ADGRA3: variants seen among roughly 807,000 people sequenced by gnomAD.
The protein encoded by ADGRA3 is adhesion G protein-coupled receptor A3, also known as G-protein coupled receptor 125.
In ADGRA3, 56 loss-of-function variants were observed where a neutral mutation model predicts 119.8. That is an observed-to-expected ratio of 0.47 (90% confidence interval 0.38 to 0.58). ADGRA3 has a LOEUF of 0.58. Among genes scored for constraint, ADGRA3 ranks in the 20% least tolerant of loss-of-function variants. ADGRA3 has a pLI of 0.00. For synonymous variants in ADGRA3, 607 were observed against 623.8 expected (o/e 0.97, Z 0.40); for missense variants, 1,516 against 1,649.0 (o/e 0.92, Z 1.40).
chr4:22,466,210 T>C (rs918589595), intron 2 of ADGRA3, among the ~76,000 whole-genome samples: 13 of 152,182 alleles, frequency 8.5e-5, no homozygotes, highest in African/African-American at 3.1e-4. Context: ...ACTTCCCATC[T>C]GCTCAACACC....
chr4:22,470,842 T>G (rs915204227), intron 2 of ADGRA3, among the ~76,000 whole-genome samples: 20 of 152,172 alleles, frequency 1.3e-4, no homozygotes, highest in African/African-American at 4.3e-4. Context: ...GCTGAAGACG[T>G]TACCACTGAG....
intron 1 of ADGRA3, among the ~76,000 whole-genome samples, chr4:22,511,883 TTTTC>T (rs1200090131): frequency 8.9e-5 from 11 of 123,746 alleles, no homozygotes; most frequent in Non-Finnish European, 1.7e-4. Context: ...ACAGTTATAT[TTTTC>T]TTTCTTTCTT....
intron 1 of ADGRA3, among the ~76,000 whole-genome samples, chr4:22,485,133 G>A (rs540241439): frequency 3.9e-5 from 6 of 152,120 alleles, no homozygotes; most frequent in South Asian, 4.2e-4. Flanking sequence ...CCACGCCGGC[G>A]TGAAGTGGTG....
At chr4:22,512,072 T>C (rs1283476417) in intron 1 of ADGRA3, among the ~76,000 whole-genome samples, 1 of 143,258 alleles carries the variant, frequency 7.0e-6, no homozygotes, top group Non-Finnish European at 1.5e-5. Context: ...AGCTAATATC[T>C]GTATTTTTAG....
chr4:22,466,881 GTGTGTGGATGGATA>G (rs1455931363), intron 2 of ADGRA3, among the ~76,000 whole-genome samples: 1 of 152,194 alleles, frequency 6.6e-6, no homozygotes, highest in Non-Finnish European at 1.5e-5. Flanking sequence ...ACAATATAGA[GTGTGTGGATGGATA>G]TGTTCATGGA....
At chr4:22,406,799 G>A (rs1223646142) in intron 14 of ADGRA3, among the ~76,000 whole-genome samples, 1 of 152,086 alleles carries the variant, frequency 6.6e-6, no homozygotes, top group Non-Finnish European at 1.5e-5. Context: ...AGTAAACATT[G>A]TAGACTTTGG....
Position 22,445,148 on chromosome 4 carries a change from T to C in ADGRA3, c.546-15A>G. On this transcript the variant is annotated splice_polypyrimidine_tract_variant and intron_variant, in intron 5 of 18. Coordinates refer to ENST00000334304, the MANE Select transcript of ADGRA3 (RefSeq NM_145290.4). ...TCTGGAATTCCCTGTAACATGCAAA[T>C]ACAACTTAGAGATTATAGTGAATAA... The C allele has an allele frequency of 6.2e-7, 1 of 1,611,484 alleles. No homozygotes were observed. The highest frequency in any genetic ancestry group is 8.5e-7 in the Non-Finnish European group (1 of 1,177,768).
chr4:22,402,547 T>C, intron 15 of ADGRA3, 128 bp downstream of exon 15: 2 of 886,690 alleles, frequency 2.3e-6, no homozygotes, highest in Non-Finnish European at 3.5e-6. Context: ...ATGTATATAT[T>C]CTAAAGTCAT....
chr4:22,402,117 T>C (rs1714688821), intron 15 of ADGRA3, among the ~76,000 whole-genome samples: 1 of 152,168 alleles, frequency 6.6e-6, no homozygotes, highest in Non-Finnish European at 1.5e-5. Context: ...AGCAAAACGT[T>C]TTGTAAAGCG....
rs1170411373 is a variant in ADGRA3 at position 22,413,220 on chromosome 4, T to C, written c.2194A>G (p.Ile732Val). ...ILYSDENITTIQCYSLSNYAV... is the reference protein window; with the variant it reads ...ILYSDENITTVQCYSLSNYAV... ...TAGTTACTAAGGGAGTAGCACTGAA[T>C]CGTAGTGATATTTTCATCTGAATAG... is the stretch of plus-strand genomic sequence containing the variant. The change falls in exon 14 of 19, where the codon ATT becomes GTT. Residue 732 changes from isoleucine to valine, a missense_variant. Coordinates refer to ENST00000334304, the MANE Select transcript of ADGRA3 (RefSeq NM_145290.4). 1 of 1,613,982 alleles carries C rather than the reference T, an allele frequency of 6.2e-7. No homozygotes were observed. The highest frequency in any genetic ancestry group is 1.1e-5 in the South Asian group (1 of 91,082).
chr4:22,494,026 A>G (rs1470062942), intron 1 of ADGRA3, among the ~76,000 whole-genome samples: 2 of 151,942 alleles, frequency 1.3e-5, no homozygotes, highest in African/African-American at 4.8e-5. Context: ...AACATGGTGA[A>G]ACCCCGTCTC....
chr4:22,450,948 AAAAATATAT>A (rs1402209132), intron 4 of ADGRA3, among the ~76,000 whole-genome samples: 1 of 127,828 alleles, frequency 7.8e-6, no homozygotes, highest in African/African-American at 2.8e-5. Context: ...AAAAAAAAAA[AAAAATATAT>A]ATATATATAT....
chr4:22,406,123 T>C (rs1714912266), intron 14 of ADGRA3, among the ~76,000 whole-genome samples: 1 of 152,192 alleles, frequency 6.6e-6, no homozygotes. Flanking sequence ...GGCTCATCCA[T>C]GTTGCTGCAA....
intron 12 of ADGRA3, chr4:22,420,276 C>T (rs1184798152): frequency 6.6e-6 from 1 of 152,198 alleles, no homozygotes; most frequent in African/African-American, 2.4e-5. Flanking sequence ...GTTGTGCCTC[C>T]TCTATTTGCT....
At chr4:22,432,643 A>G (rs1716233412) in intron 10 of ADGRA3, among the ~76,000 whole-genome samples, 1 of 152,204 alleles carries the variant, frequency 6.6e-6, no homozygotes, top group Admixed American at 6.5e-5. Flanking sequence ...TAAAATATGC[A>G]TATTGTTTTC....
At chr4:22,470,499 C>G (rs1717822193) in intron 2 of ADGRA3, among the ~76,000 whole-genome samples, 2 of 152,148 alleles carry the variant, frequency 1.3e-5, no homozygotes, top group Non-Finnish European at 1.5e-5. Flanking sequence ...AAATCCTAAC[C>G]TTTATTCTGT....
intron 3 of ADGRA3, among the ~76,000 whole-genome samples, chr4:22,459,803 T>C (rs983852518): frequency 6.6e-6 from 1 of 152,218 alleles, no homozygotes; most frequent in Non-Finnish European, 1.5e-5. Flanking sequence ...CTGGTCTCCC[T>C]ACATTTATGT....
At chr4:22,413,432 C>A in intron 13 of ADGRA3, 42 bp from the exon 14 acceptor site, 2 of 1,546,264 alleles carry the variant, frequency 1.3e-6, no homozygotes, top group South Asian at 2.2e-5. Context: ...AAACAAACTT[C>A]ATAACCAATT....
At chr4:22,447,620 C>T in intron 4 of ADGRA3, 109 bp from the exon 5 acceptor site, 3 of 613,418 alleles carry the variant, frequency 4.9e-6, no homozygotes, top group Non-Finnish European at 8.2e-6. Flanking sequence ...TTGTAAAGAA[C>T]TCATGAAAGT....
Sources: gnomAD v4.1 joint callset for allele counts (sites outside exome capture counted in the v4.1 genomes callset) on GRCh38, gnomAD v4.1.1 for gene constraint, MANE v1.5 for transcripts, NCBI Gene and HGNC (gene_info 2026-07-23, HGNC 2026-07-21) for gene names.